The following DOCK1 variants were observed in gnomAD, a reference collection of about 807,000 sequenced individuals.
The protein encoded by DOCK1 is dedicator of cytokinesis protein 1.
Under a neutral mutation model 262.7 loss-of-function variants are expected in DOCK1, and 138 were observed. The ratio of observed to expected loss-of-function variants is 0.53; its 90% CI spans 0.46 to 0.61. DOCK1 has a LOEUF of 0.61. DOCK1 is among the 20% of genes least tolerant of loss of function. The pLI is 0.00. For missense variants in DOCK1, 1,908 were observed against 2,370.7 expected (o/e 0.80, Z 4.05); for synonymous variants, 866 against 867.4 (o/e 1.00, Z 0.03).
At chr10:127,030,452 T>G (rs138489705) in intron 16 of DOCK1, among the ~76,000 whole-genome samples, 110 of 152,324 alleles carry the variant, frequency 7.2e-4, no homozygotes, top group Non-Finnish European at 1.4e-3. Context: ...GCCTCTGCGC[T>G]AGGTCCCCCT....
intron 29 of DOCK1, among the ~76,000 whole-genome samples, chr10:127,281,724 C>G (rs1375762368): frequency 6.6e-6 from 1 of 152,316 alleles, no homozygotes; most frequent in East Asian, 1.9e-4. Context: ...CTCATGGACT[C>G]TGATCTCACA....
intron 29 of DOCK1, among the ~76,000 whole-genome samples, chr10:127,306,451 C>T (rs562065992): frequency 6.6e-6 from 1 of 152,288 alleles, no homozygotes; most frequent in South Asian, 2.1e-4. Flanking sequence ...ATGCTTGGTG[C>T]TGTGGCCATG....
rs2048784039 is a variant in DOCK1, at chr10:127,110,248, C to T, written c.2517C>T (p.Ser839=). ...ATTTCCCTTGTGTTTTTCCTCACAG[C>T]AAAATGTTTACTGAATTCATCCTCA... ...VKLVFDPKEL[S]KMFTEFILNV... is the part of the protein sequence containing the mutation. Residue 839 remains serine (S), a splice_region_variant and synonymous_variant, in exon 25 of 52, where the codon AGC becomes AGT. Coordinates refer to ENST00000623213, the MANE Select transcript of DOCK1 (RefSeq NM_001290223.2). The T allele has an allele frequency of 6.2e-7, 1 of 1,611,498 alleles. No individual in the cohort carries two copies. The highest frequency in any genetic ancestry group is 1.3e-5 in the African/African-American group (1 of 74,894).
chr10:127,236,312 T>C (rs1214859512), intron 27 of DOCK1, among the ~76,000 whole-genome samples: 1 of 150,112 alleles, frequency 6.7e-6, no homozygotes, highest in Non-Finnish European at 1.5e-5. Context: ...ATGGCTCCTT[T>C]CTTTCTCCCT....
At chr10:127,435,419 A>T (rs1195365483) in intron 48 of DOCK1, among the ~76,000 whole-genome samples, 1 of 152,160 alleles carries the variant, frequency 6.6e-6, no homozygotes, top group Non-Finnish European at 1.5e-5. Flanking sequence ...CCGATGGAGA[A>T]TTGCAAACTA....
intron 29 of DOCK1, among the ~76,000 whole-genome samples, chr10:127,323,240 A>T (rs1021789577): frequency 6.6e-6 from 1 of 152,172 alleles, no homozygotes; most frequent in Admixed American, 6.5e-5. Context: ...CCAGAGTCAC[A>T]GGAGACATTA....
In DOCK1 at chr10:127,384,697, G is replaced by A. The variant is rs1014798133; in HGVS notation, c.3808-93G>A. 2.1e-5 allele frequency: 29 copies of A among 1,373,502 alleles called. 1 individual carries two copies. Among genetic ancestry groups the A allele is most frequent in the African/African-American group, 1.0e-4 (7 of 67,626 alleles). The allele number at this position is 1,373,502 out of a possible 1,614,324, so 85.1% of individuals were successfully genotyped here. A position where few individuals can be genotyped will look rare whatever the true frequency, so the allele number is the denominator to read the frequency against. On this transcript the variant is annotated intron_variant, in intron 37 of 51. Transcript: ENST00000623213. ...CAGCCACACATGTCTCCAGAACCGCGGCCCACACGCGTGTCCGATGCGAAG... is the reference window on the plus strand; with the variant it reads ...CAGCCACACATGTCTCCAGAACCGCAGCCCACACGCGTGTCCGATGCGAAG...
chr10:127,145,955 C>A (rs1054708920), intron 27 of DOCK1: 3 of 512,402 alleles, frequency 5.9e-6, no homozygotes, highest in Non-Finnish European at 1.2e-5. Context: ...TTTCAAGACG[C>A]CTATCTGTGA....
intron 25 of DOCK1, among the ~76,000 whole-genome samples, chr10:127,124,004 G>T (rs955437917): frequency 6.6e-6 from 1 of 152,152 alleles, no homozygotes; most frequent in African/African-American, 2.4e-5. Context: ...CTTTCTTGGC[G>T]AATCAACAAA....
chr10:127,410,619 C>T (rs936806357), intron 42 of DOCK1, among the ~76,000 whole-genome samples: 3 of 152,194 alleles, frequency 2.0e-5, no homozygotes, highest in South Asian at 4.1e-4. Context: ...TGTTTTCCCT[C>T]GAGGGTTGGC....
chr10:127,308,009 C>T (rs1227192418), intron 29 of DOCK1, among the ~76,000 whole-genome samples: 1 of 152,192 alleles, frequency 6.6e-6, no homozygotes, highest in Non-Finnish European at 1.5e-5. Context: ...CATGGGGTCT[C>T]CTGGGGAGGG....
intron 1 of DOCK1, among the ~76,000 whole-genome samples, chr10:126,948,393 G>A (rs1415442274): frequency 6.3e-5 from 5 of 78,876 alleles, no homozygotes; most frequent in Non-Finnish European, 1.4e-4. Context: ...TGATGGTGGT[G>A]GTTGGTAGTA....
intron 38 of DOCK1, among the ~76,000 whole-genome samples, chr10:127,398,395 G>A (rs2386840): frequency 0.42 from 63,302 of 151,968 alleles, 13,913 homozygotes; most frequent in Middle Eastern, 0.54. Context: ...CACCAGGGCC[G>A]CCAGCCCCAC....
chr10:127,300,314 C>T (rs2061638665), intron 29 of DOCK1, among the ~76,000 whole-genome samples: 1 of 152,208 alleles, frequency 6.6e-6, no homozygotes, highest in South Asian at 2.1e-4. Flanking sequence ...TCTGTCTCCT[C>T]TCTTGTGCTT....
At chr10:127,411,090 A>G (rs11017954) in intron 43 of DOCK1, among the ~76,000 whole-genome samples, 166 bp downstream of exon 43, 38,816 of 152,054 alleles carry the variant, frequency 0.26, 5,247 homozygotes, top group African/African-American at 0.33. Context: ...CCAAAGTTAG[A>G]AAAACTAATT....
chr10:127,381,808 C>G (rs776169081), intron 37 of DOCK1, among the ~76,000 whole-genome samples: 24 of 152,208 alleles, frequency 1.6e-4, no homozygotes, highest in Non-Finnish European at 2.5e-4. Context: ...TCTATCAGTT[C>G]ACGTTGAGAC....
At chr10:126,981,774 T>C in intron 3 of DOCK1, 144 bp from the exon 4 acceptor site, 1 of 734,710 alleles carries the variant, frequency 1.4e-6, no homozygotes. Context: ...TCTACTTCTT[T>C]GTGTTTTCTT....
At chr10:127,128,821 A>G (rs1437296479) in intron 27 of DOCK1, among the ~76,000 whole-genome samples, 1 of 152,202 alleles carries the variant, frequency 6.6e-6, no homozygotes, top group Admixed American at 6.5e-5. Context: ...ACTGTTTACA[A>G]TAGCAAAGAC....
rs1161879311 is a variant in DOCK1 at position 126,995,248 on chromosome 10, G to A, written c.474-1500G>A. Reference sequence around the variant, plus strand: ...ACTTCCCAGACGGGGTGGCGGCCGGGCAGAGGCTGCAATCTCGGCACTTTG... The same window carrying A: ...ACTTCCCAGACGGGGTGGCGGCCGGACAGAGGCTGCAATCTCGGCACTTTG... On this transcript the variant is annotated intron_variant, in intron 6 of 51. Coordinates refer to ENST00000623213, the MANE Select transcript of DOCK1 (RefSeq NM_001290223.2). This position sits in a 1 kb window ranked among gnomAD's most constrained non-coding sequence, Gnocchi z 5.8. 6.6e-6 allele frequency among the ~76,000 whole-genome samples: 1 copy of A among 152,190 alleles called. No homozygotes were observed. The highest frequency in any genetic ancestry group is 1.5e-5 in the Non-Finnish European group (1 of 68,030).
Sources: gnomAD v4.1 joint callset for allele counts (sites outside exome capture counted in the v4.1 genomes callset) on GRCh38, gnomAD v4.1.1 for gene constraint, Gnocchi (gnomAD v3.1) non-coding constraint, MANE v1.5 for transcripts, NCBI Gene and HGNC (gene_info 2026-07-23, HGNC 2026-07-21) for gene names.